The following CLSTN2 variants were observed in gnomAD, a reference collection of about 807,000 sequenced individuals.
CLSTN2 encodes the protein calsyntenin 2.
CLSTN2 carries 48 observed loss-of-function variants against 101.2 expected under a neutral mutation model. The ratio of observed to expected loss-of-function variants is 0.47; its 90% CI spans 0.38 to 0.60. The LOEUF (loss-of-function observed/expected upper bound fraction) is 0.60. Among genes scored for constraint, CLSTN2 ranks in the 20% least tolerant of loss-of-function variants. The pLI, the probability that CLSTN2 is intolerant of heterozygous loss-of-function variation, is 0.00. For missense variants in CLSTN2, 1,160 were observed against 1,238.2 expected (o/e 0.94, Z 0.95); for synonymous variants, 481 against 463.6 (o/e 1.04, Z -0.48).
At chr3:139,994,319 C>T (rs1936165198) in intron 1 of CLSTN2, among the ~76,000 whole-genome samples, 1 of 152,210 alleles carries the variant, frequency 6.6e-6, no homozygotes, top group Non-Finnish European at 1.5e-5. Context: ...TGTGTTTCTA[C>T]AGTGTTTCAA....
intron 2 of CLSTN2, among the ~76,000 whole-genome samples, chr3:140,233,058 G>A (rs1396268221): frequency 1.3e-5 from 2 of 152,092 alleles, no homozygotes; most frequent in African/African-American, 4.8e-5. Context: ...AAGCTTCAGT[G>A]CACCCTATTA....
At chr3:140,057,086 T>C (rs143443956) in intron 1 of CLSTN2, among the ~76,000 whole-genome samples, 127 of 152,340 alleles carry the variant, frequency 8.3e-4, no homozygotes, top group Non-Finnish European at 1.6e-3. Flanking sequence ...TTCTCCATAG[T>C]AGGCATTTTT....
chr3:140,211,033 T>C (rs138874059), intron 2 of CLSTN2, among the ~76,000 whole-genome samples: 27 of 152,176 alleles, frequency 1.8e-4, no homozygotes, highest in African/African-American at 6.3e-4. Context: ...TTTTGTAGGC[T>C]TGGGGTCGGT....
intron 8 of CLSTN2, among the ~76,000 whole-genome samples, chr3:140,486,031 C>T (rs1934234355): frequency 1.3e-5 from 2 of 151,784 alleles, no homozygotes; most frequent in African/African-American, 2.4e-5. Flanking sequence ...CCATCTTCTG[C>T]ATTGCTCACA....
At chr3:140,280,257 C>T (rs541699365) in intron 2 of CLSTN2, among the ~76,000 whole-genome samples, 19 of 152,176 alleles carry the variant, frequency 1.2e-4, no homozygotes, top group Non-Finnish European at 1.9e-4. Context: ...TATCCATGTT[C>T]TCTCCCGTAC....
intron 8 of CLSTN2, among the ~76,000 whole-genome samples, chr3:140,513,363 AATC>A (rs1934850576): frequency 6.6e-6 from 1 of 152,280 alleles, no homozygotes; most frequent in Non-Finnish European, 1.5e-5. Context: ...CTATTGAGAT[AATC>A]ATGTGGTTTT....
chr3:140,114,845 C>G (rs568988790), intron 1 of CLSTN2, among the ~76,000 whole-genome samples: 1 of 152,260 alleles, frequency 6.6e-6, no homozygotes, highest in Non-Finnish European at 1.5e-5. Context: ...CCTCTGCCCC[C>G]TCCCCCCATT....
rs529912089 is a variant in CLSTN2, at chr3:139,947,459, A to G, written c.109+11976A>G. Among the ~76,000 whole-genome samples the G allele has an allele frequency of 4.9e-4, 75 of 152,382 alleles. 2 individuals are homozygous for G. In the South Asian group the frequency reaches 0.015, roughly 30 times the overall value. On this transcript the variant is annotated intron_variant, in intron 1 of 16. Coordinates refer to ENST00000458420, the MANE Select transcript of CLSTN2 (RefSeq NM_022131.3). ...GCCAAGAACTAAAATGTTATCATTC[A>G]GGAAACTCACAAAGATGCTGGAGAG...
At chr3:140,431,695 C>T (rs1299416549) in intron 5 of CLSTN2, among the ~76,000 whole-genome samples, 3 of 152,156 alleles carry the variant, frequency 2.0e-5, no homozygotes, top group Admixed American at 2.0e-4. Flanking sequence ...CTGAACCCCA[C>T]ACAGGGGTAG....
intron 1 of CLSTN2, among the ~76,000 whole-genome samples, chr3:140,042,880 T>TCC (rs2007790663): frequency 6.6e-6 from 1 of 152,214 alleles, no homozygotes; most frequent in Non-Finnish European, 1.5e-5. Flanking sequence ...TGCATAGTAT[T>TCC]CCATAGTGTA....
intron 2 of CLSTN2, among the ~76,000 whole-genome samples, chr3:140,207,274 T>C (rs928153677): frequency 6.6e-6 from 1 of 152,230 alleles, no homozygotes; most frequent in Non-Finnish European, 1.5e-5. Flanking sequence ...AGAATCATTA[T>C]GTATGCCTTA....
intron 2 of CLSTN2, among the ~76,000 whole-genome samples, chr3:140,305,943 A>T (rs1277534590): frequency 2.0e-5 from 3 of 152,100 alleles, no homozygotes; most frequent in African/African-American, 7.2e-5. Flanking sequence ...AACATGTGTT[A>T]CTTTTATAAT....
At chr3:139,978,928 C>G (rs149099196) in intron 1 of CLSTN2, among the ~76,000 whole-genome samples, 39 of 152,270 alleles carry the variant, frequency 2.6e-4, no homozygotes, top group African/African-American at 9.1e-4. Context: ...GTTTTGGCAA[C>G]AAGCCCTGTA....
chr3:140,018,199 T>C (rs1383325623), intron 1 of CLSTN2, among the ~76,000 whole-genome samples: 3 of 152,236 alleles, frequency 2.0e-5, no homozygotes, highest in Admixed American at 2.0e-4. Flanking sequence ...TGTTTCTGTG[T>C]CTGGAAGATG....
intron 1 of CLSTN2, among the ~76,000 whole-genome samples, chr3:140,174,219 C>T (rs1308591329): frequency 2.0e-5 from 3 of 152,160 alleles, no homozygotes; most frequent in African/African-American, 4.8e-5. Flanking sequence ...CCACAAGTGT[C>T]TAGGGCAGGG....
At chr3:140,425,034 C>T (rs142581885) in intron 5 of CLSTN2, among the ~76,000 whole-genome samples, 186 of 152,316 alleles carry the variant, frequency 1.2e-3, no homozygotes, top group African/African-American at 4.0e-3. Context: ...AAACTGACTC[C>T]TCACAAGCAA....
intron 2 of CLSTN2, among the ~76,000 whole-genome samples, chr3:140,315,347 T>C (rs560620369): frequency 2.0e-5 from 3 of 152,334 alleles, no homozygotes; most frequent in South Asian, 4.1e-4. Context: ...GAAAGGTGTA[T>C]GCCAAGAGGA....
At chr3:140,022,333 TGA>T (rs1236701230) in intron 1 of CLSTN2, among the ~76,000 whole-genome samples, 1 of 152,192 alleles carries the variant, frequency 6.6e-6, no homozygotes, top group East Asian at 1.9e-4. Context: ...TGAGAGTGAC[TGA>T]GAGAGAACAC....
In CLSTN2 at chr3:140,096,962, T is replaced by C. The variant is rs1223135436; in HGVS notation, c.110-78989T>C. 2.0e-5 allele frequency among the ~76,000 whole-genome samples: 3 copies of C among 152,242 alleles called. No individual in the cohort carries two copies. In the East Asian group the frequency reaches 5.8e-4, roughly 29 times the overall value. On this transcript the variant is annotated intron_variant, in intron 1 of 16. Coordinates refer to ENST00000458420, the MANE Select transcript of CLSTN2 (RefSeq NM_022131.3). Reference sequence around the variant, plus strand: ...TTCTTGCTCTGCCATTAACTCTGAGTGGGCAAATTCCTGACTAAACTTGGG... The same window carrying C: ...TTCTTGCTCTGCCATTAACTCTGAGCGGGCAAATTCCTGACTAAACTTGGG...
Sources: allele counts gnomAD v4.1 joint callset (sites outside exome capture counted in the v4.1 genomes callset), GRCh38; gene constraint gnomAD v4.1.1; transcripts MANE v1.5; gene names NCBI Gene and HGNC (gene_info 2026-07-23, HGNC 2026-07-21).